The following SCN8A variants were observed in gnomAD, a reference collection of about 807,000 sequenced individuals.
The protein encoded by SCN8A is sodium voltage-gated channel alpha subunit 8.
In SCN8A, 30 loss-of-function variants were observed where a neutral mutation model predicts 184.1. That is an observed-to-expected ratio of 0.16 (90% CI 0.12 to 0.22). SCN8A has a LOEUF of 0.22. Among genes scored for constraint, SCN8A ranks in the 10% least tolerant of loss-of-function variants. The pLI is 1.00. For synonymous variants in SCN8A, 852 were observed against 907.0 expected (o/e 0.94, Z 1.09); for missense variants, 1,057 against 2,498.9 (o/e 0.42, Z 12.30).
intron 1 of SCN8A, among the ~76,000 whole-genome samples, chr12:51,610,118 C>T (rs957645039): frequency 2.9e-5 from 4 of 136,372 alleles, no homozygotes; most frequent in Non-Finnish European, 4.6e-5. Flanking sequence ...TGCAGTGAGC[C>T]GAGATCACAC....
intron 13 of SCN8A, among the ~76,000 whole-genome samples, chr12:51,749,811 T>A (rs1942569193): frequency 6.6e-6 from 1 of 152,048 alleles, no homozygotes; most frequent in Non-Finnish European, 1.5e-5. Flanking sequence ...TTTGGTGAAA[T>A]GTTAGGGAAT....
intron 2 of SCN8A, among the ~76,000 whole-genome samples, chr12:51,674,714 T>A (rs1241154535): frequency 6.6e-6 from 1 of 152,180 alleles, no homozygotes; most frequent in East Asian, 1.9e-4. Flanking sequence ...GTGATAGCAG[T>A]GGCAGCATCA....
intron 21 of SCN8A, among the ~76,000 whole-genome samples, chr12:51,784,591 A>T (rs1938030513): frequency 6.6e-6 from 1 of 152,176 alleles, no homozygotes. Flanking sequence ...TCCTCTGGTT[A>T]TGATTAAAGT....
chr12:51,780,565 C>CTTTTCTTTTTTTTTTTTTT (rs1937873541), intron 20 of SCN8A, 84 bp from the exon 21 acceptor site: 1 of 293,008 alleles, frequency 3.4e-6, no homozygotes, highest in African/African-American at 1.3e-4. Flanking sequence ...TGTTTTCTTT[C>CTTTTCTTTTTTTTTTTTTT]TTTTTTTTTT....
intron 12 of SCN8A, among the ~76,000 whole-genome samples, chr12:51,745,231 G>A (rs1331593761): frequency 1.3e-5 from 2 of 152,094 alleles, no homozygotes; most frequent in African/African-American, 4.8e-5. Context: ...AACATTGCAG[G>A]TTAACTCATA....
chr12:51,757,293 C>T (rs1161982159), intron 14 of SCN8A, among the ~76,000 whole-genome samples: 1 of 130,310 alleles, frequency 7.7e-6, no homozygotes. Context: ...CGTAAGGAAC[C>T]ATTATTTTTC....
chr12:51,736,732 G>A (rs572644839), intron 12 of SCN8A, among the ~76,000 whole-genome samples: 9 of 152,298 alleles, frequency 5.9e-5, no homozygotes, highest in East Asian at 5.8e-4. Flanking sequence ...TAAAGTCATC[G>A]GTTGTTCATC....
At chr12:51,637,467 A>G (rs1017299653) in intron 1 of SCN8A, among the ~76,000 whole-genome samples, 1 of 152,194 alleles carries the variant, frequency 6.6e-6, no homozygotes, top group Non-Finnish European at 1.5e-5. Context: ...TAAAAGTGCT[A>G]CTCTAGTGAA....
chr12:51,714,582 A>G (rs1182512037), intron 11 of SCN8A, among the ~76,000 whole-genome samples: 2 of 152,210 alleles, frequency 1.3e-5, no homozygotes, highest in South Asian at 4.1e-4. Flanking sequence ...AAAAGGTCTC[A>G]GGGACCTCCG....
At chr12:51,695,238 A>G (rs567776379) in intron 6 of SCN8A, among the ~76,000 whole-genome samples, 2 of 152,212 alleles carry the variant, frequency 1.3e-5, no homozygotes. Flanking sequence ...AAGCAGCTGA[A>G]TACCATTTCC....
chr12:51,601,003 A>G lies in SCN8A; in HGVS notation c.-55+9644A>G, dbSNP rs182414669. Among the ~76,000 whole-genome samples the G allele has an allele frequency of 3.9e-5, 6 of 152,254 alleles. No homozygotes were observed. In the East Asian group the frequency reaches 1.2e-3, roughly 29 times the overall value. Reference sequence around the variant, plus strand: ...AATTTAGCACTCTATTTAGGGTATTACCCAAATTACCCTTACAGTAATTCT... The same window carrying G: ...AATTTAGCACTCTATTTAGGGTATTGCCCAAATTACCCTTACAGTAATTCT... On this transcript the variant is annotated intron_variant, in intron 1 of 26. Transcript: ENST00000627620.
rs370876040 is a variant in SCN8A, at chr12:51,730,466, A to G, written c.1998+8558A>G. 1.2e-4 allele frequency among the ~76,000 whole-genome samples: 19 copies of G among 152,316 alleles called. 1 individual carries two copies. In the South Asian group the frequency reaches 2.7e-3, roughly 22 times the overall value. On this transcript the variant is annotated intron_variant, in intron 12 of 26. Transcript: ENST00000627620. The stretch of plus-strand genomic sequence containing the variant: ...GAAATGTGGTAGTATAAGCCCTAAG[A>G]ACAAAAAATAATATTTTTAAGATTA...
At chr12:51,738,126 A>G (rs1942357596) in intron 12 of SCN8A, among the ~76,000 whole-genome samples, 1 of 152,212 alleles carries the variant, frequency 6.6e-6, no homozygotes, top group Admixed American at 6.5e-5. Context: ...TTTCCACTTT[A>G]AGCGGTTCTT....
intron 1 of SCN8A, among the ~76,000 whole-genome samples, chr12:51,646,596 T>C (rs1940594343): frequency 6.6e-6 from 1 of 152,140 alleles, no homozygotes; most frequent in Admixed American, 6.5e-5. Context: ...CACTTTTCAG[T>C]TTTAGAACAA....
intron 12 of SCN8A, chr12:51,722,625 AC>A (rs1336823719): frequency 6.6e-6 from 1 of 152,272 alleles, no homozygotes; most frequent in Non-Finnish European, 1.5e-5. Context: ...AGGAAACTGG[AC>A]CCAGACTTTT....
At chr12:51,641,893 A>C (rs1940462669) in intron 1 of SCN8A, among the ~76,000 whole-genome samples, 1 of 152,164 alleles carries the variant, frequency 6.6e-6, no homozygotes, top group South Asian at 2.1e-4. Context: ...AACAGAAACC[A>C]CACACACACA....
At chr12:51,780,446 CA>C (rs763349431) in intron 20 of SCN8A, among the ~76,000 whole-genome samples, 2 of 151,854 alleles carry the variant, frequency 1.3e-5, no homozygotes, top group African/African-American at 4.8e-5. Flanking sequence ...CCTTCCAGGT[CA>C]TTTGAGTCAA....
At chr12:51,804,564 A>C (rs1938644455) in intron 26 of SCN8A, among the ~76,000 whole-genome samples, 1 of 150,804 alleles carries the variant, frequency 6.6e-6, no homozygotes, top group Non-Finnish European at 1.5e-5. Flanking sequence ...ATCTCAGCTC[A>C]CTGCAACCTC....
intron 1 of SCN8A, among the ~76,000 whole-genome samples, chr12:51,650,556 C>A (rs1414363380): frequency 7.1e-6 from 1 of 140,838 alleles, no homozygotes; most frequent in Non-Finnish European, 1.5e-5. Flanking sequence ...GTCGCCCAAG[C>A]TGCAGTGCAG....
Sources: allele counts gnomAD v4.1 joint callset (sites outside exome capture counted in the v4.1 genomes callset), GRCh38; gene constraint gnomAD v4.1.1; transcripts MANE v1.5; gene names NCBI Gene and HGNC (gene_info 2026-07-23, HGNC 2026-07-21).